Variants in MAN2A1 observed in about 807,000 individuals in gnomAD.
MAN2A1 encodes the protein mannosidase alpha class 2A member 1, also known as alpha-mannosidase 2.
A neutral mutation model predicts 142.6 loss-of-function variants in MAN2A1; 76 were observed. The observed-to-expected ratio is 0.53, with a 90% CI of 0.44 to 0.65. The LOEUF (loss-of-function observed/expected upper bound fraction) is 0.65. Among genes scored for constraint, MAN2A1 ranks in the 30% least tolerant of loss-of-function variants. The pLI is 0.00. For missense variants in MAN2A1, 1,311 were observed against 1,365.1 expected (o/e 0.96, Z 0.62); for synonymous variants, 559 against 473.2 (o/e 1.18, Z -2.35).
intron 12 of MAN2A1, among the ~76,000 whole-genome samples, chr5:109,800,676 C>T (rs1392906518): frequency 6.6e-6 from 1 of 152,116 alleles, no homozygotes; most frequent in African/African-American, 2.4e-5. Context: ...TAATAGAGAA[C>T]ATAGGGCTGG....
intron 19 of MAN2A1, among the ~76,000 whole-genome samples, chr5:109,852,917 TG>T (rs1306441850): frequency 1.3e-5 from 2 of 152,196 alleles, no homozygotes; most frequent in African/African-American, 4.8e-5. Flanking sequence ...AGTACATGAA[TG>T]GCAGAACTCT....
rs554194079 is a variant in MAN2A1, at chr5:109,808,080, T to C, written c.1944-9193T>C. Among the ~76,000 whole-genome samples, 160 of 152,350 alleles carry C rather than the reference T, an allele frequency of 1.1e-3. 1 individual carries two copies. Among genetic ancestry groups the C allele is most frequent in the Non-Finnish European group, 4.7e-4 (32 of 68,040 alleles). The stretch of plus-strand genomic sequence containing the variant: ...CCACTATGACTTGAGTTTTATCTAC[T>C]TTTCTAACTTCATATAATTGCATTT... On this transcript the variant is annotated intron_variant, in intron 12 of 21. Transcript: ENST00000261483.
intron 1 of MAN2A1, among the ~76,000 whole-genome samples, chr5:109,702,000 G>T (rs1750996752): frequency 6.6e-6 from 1 of 152,212 alleles, no homozygotes; most frequent in African/African-American, 2.4e-5. Context: ...GTAGTCATCA[G>T]CATAGCCGAG....
In MAN2A1 at chr5:109,748,248, A is replaced by T. The variant is rs1478431841; in HGVS notation, c.708-7081A>T. Among the ~76,000 whole-genome samples, 4 of 152,326 alleles carry T rather than the reference A, an allele frequency of 2.6e-5. No homozygotes were observed. The East Asian group carries it at 7.7e-4, about 29-fold the overall frequency. On this transcript the variant is annotated intron_variant, in intron 4 of 21. Transcript: ENST00000261483. ...CTTATGTCTACATCCTTAACATCAC[A>T]GTATGTTATACAACTTTTTGATCTT... is the stretch of plus-strand genomic sequence containing the variant.
intron 19 of MAN2A1, among the ~76,000 whole-genome samples, chr5:109,849,051 C>CT (rs1298150126): frequency 1.3e-5 from 2 of 152,214 alleles, no homozygotes; most frequent in Non-Finnish European, 2.9e-5. Context: ...TTGTCACTCT[C>CT]TAAAATACTG....
chr5:109,784,903 G>A lies in MAN2A1; in HGVS notation c.1737G>A (p.Trp579Ter). 1 of 1,597,772 alleles carries A rather than the reference G, an allele frequency of 6.3e-7. No individual in the cohort carries two copies. Residue 579 changes from tryptophan to a stop codon, truncating the protein, a stop_gained, in exon 10 of 22, where the codon TGG (tryptophan) becomes TGA (stop). Transcript: ENST00000261483. LOFTEE classifies it high-confidence loss of function. Reference protein sequence around the residue: ...HDAITGTAKDWVVVDYGTRLF... With the variant: ...HDAITGTAKD Reference sequence around the variant, plus strand: ...CTATCACAGGAACTGCAAAAGACTGGGTGGTTGTGGATTATGGTACCAGGT... The same window carrying A: ...CTATCACAGGAACTGCAAAAGACTGAGTGGTTGTGGATTATGGTACCAGGT...
At chr5:109,795,984 T>G (rs1050989887) in intron 12 of MAN2A1, among the ~76,000 whole-genome samples, 2 of 152,198 alleles carry the variant, frequency 1.3e-5, no homozygotes, top group African/African-American at 4.8e-5. Context: ...CTCCAGTCTT[T>G]CAGTTGTGTG....
At chr5:109,690,596 G>A (rs762684695) in intron 1 of MAN2A1, 44 bp downstream of exon 1, 8 of 1,548,320 alleles carry the variant, frequency 5.2e-6, no homozygotes, top group East Asian at 2.4e-5. Flanking sequence ...GGGGCCAGGC[G>A]TGCGGGCCCC....
At chr5:109,857,611 G>A (rs947621178) in intron 20 of MAN2A1, among the ~76,000 whole-genome samples, 14 of 152,158 alleles carry the variant, frequency 9.2e-5, no homozygotes, top group African/African-American at 3.4e-4. Flanking sequence ...GTGAGCATAG[G>A]GTTTTACCTT....
intron 1 of MAN2A1, among the ~76,000 whole-genome samples, chr5:109,707,813 A>G (rs953802720): frequency 6.6e-6 from 1 of 152,126 alleles, no homozygotes; most frequent in Non-Finnish European, 1.5e-5. Flanking sequence ...CAATGTTTTG[A>G]TTTTGAGGGT....
At chr5:109,768,666 C>G (rs1753057910) in intron 6 of MAN2A1, among the ~76,000 whole-genome samples, 1 of 152,134 alleles carries the variant, frequency 6.6e-6, no homozygotes, top group Admixed American at 6.6e-5. Flanking sequence ...TCAGAAAAAT[C>G]ATTTGTAAAT....
chr5:109,838,922 TATC>T (rs1375356607), intron 16 of MAN2A1, among the ~76,000 whole-genome samples: 11 of 152,182 alleles, frequency 7.2e-5, no homozygotes, highest in Admixed American at 5.2e-4. Flanking sequence ...AGTGTGAAAT[TATC>T]ATTTTTTCCT....
At chr5:109,773,314 C>T (rs1382519034) in intron 7 of MAN2A1, among the ~76,000 whole-genome samples, 1 of 152,084 alleles carries the variant, frequency 6.6e-6, no homozygotes, top group East Asian at 1.9e-4. Context: ...TTTGTGATTT[C>T]TTTTCTTTAT....
intron 4 of MAN2A1, among the ~76,000 whole-genome samples, chr5:109,735,440 G>A (rs1017555949): frequency 4.6e-5 from 7 of 152,250 alleles, no homozygotes; most frequent in South Asian, 2.1e-4. Flanking sequence ...TATTTTGCTC[G>A]TTAGTTGATG....
intron 16 of MAN2A1, among the ~76,000 whole-genome samples, chr5:109,833,272 G>T (rs188981241): frequency 1.2e-3 from 177 of 152,266 alleles, no homozygotes; most frequent in Admixed American, 2.2e-3. Flanking sequence ...CAGGGTGGCG[G>T]CCGGGCAGAG....
At chr5:109,806,709 A>G (rs1463220291) in intron 12 of MAN2A1, among the ~76,000 whole-genome samples, 1 of 152,204 alleles carries the variant, frequency 6.6e-6, no homozygotes, top group Non-Finnish European at 1.5e-5. Context: ...AGAATAAGGT[A>G]TTTGCAGCAA....
At chr5:109,696,508 C>G (rs1221451590) in intron 1 of MAN2A1, among the ~76,000 whole-genome samples, 1 of 152,242 alleles carries the variant, frequency 6.6e-6, no homozygotes, top group Admixed American at 6.5e-5. Context: ...TTTGCTGCCT[C>G]TATCCAGGCT....
chr5:109,799,862 T>C (rs925845901), intron 12 of MAN2A1, among the ~76,000 whole-genome samples: 3 of 149,980 alleles, frequency 2.0e-5, no homozygotes, highest in African/African-American at 4.9e-5. Context: ...CCGAGGTGGG[T>C]GGATCCCCTG....
In MAN2A1 at chr5:109,767,519, T is replaced by C. The variant is rs377766488; in HGVS notation, c.836-16T>C. ...TATCAATTAAAAAAATTAACACTTA[T>C]CATCTTTATCCACAGGAGTGAAACC... On this transcript the variant is annotated splice_polypyrimidine_tract_variant and intron_variant, in intron 5 of 21. Transcript: ENST00000261483. 1.6e-4 allele frequency: 254 copies of C among 1,599,658 alleles called. No individual in the cohort carries two copies. The highest frequency in any genetic ancestry group is 2.1e-4 in the Non-Finnish European group (247 of 1,174,978).
Sources: allele counts gnomAD v4.1 joint callset (sites outside exome capture counted in the v4.1 genomes callset), GRCh38; gene constraint gnomAD v4.1.1; transcripts MANE v1.5; gene names NCBI Gene and HGNC (gene_info 2026-07-23, HGNC 2026-07-21).